The following ADAMTSL1 variants were observed in gnomAD, a reference collection of about 807,000 sequenced individuals.
ADAMTSL1 encodes ADAMTS like 1, also known as ADAMTS-like protein 1.
Under a neutral mutation model 201.8 loss-of-function variants are expected in ADAMTSL1, and 126 were observed. That is an observed-to-expected ratio of 0.62 (90% confidence interval 0.54 to 0.72). The LOEUF (loss-of-function observed/expected upper bound fraction) is 0.72, where lower values mean the gene tolerates loss of function less well. Ranked by LOEUF, ADAMTSL1 falls within the 30% of genes least tolerant of loss-of-function variation. The probability of loss-of-function intolerance (pLI) is 0.00; values close to 1 mark genes in which losing one functional copy is unlikely to be tolerated. For synonymous variants in ADAMTSL1, 1,121 were observed against 903.4 expected, an observed-to-expected ratio of 1.24 and a Z score of -4.32; for missense variants, 2,679 against 2,277.8, an observed-to-expected ratio of 1.18 and a Z score of -3.59.
intron 2 of ADAMTSL1, among the ~76,000 whole-genome samples, chr9:18,278,208 T>G (rs1480454409): frequency 2.0e-5 from 3 of 152,234 alleles, no homozygotes; most frequent in African/African-American, 7.2e-5. Flanking sequence ...ATTATGGTAT[T>G]AAAGTATTCT....
At chr9:18,591,852 G>A (rs1228444345) in intron 4 of ADAMTSL1, among the ~76,000 whole-genome samples, 1 of 152,202 alleles carries the variant, frequency 6.6e-6, no homozygotes, top group Non-Finnish European at 1.5e-5. Flanking sequence ...CCTGCTGGTT[G>A]TGGAGGCATT....
At chr9:18,683,129 A>G (rs1223946679) in intron 12 of ADAMTSL1, among the ~76,000 whole-genome samples, 1 of 152,176 alleles carries the variant, frequency 6.6e-6, no homozygotes, top group Admixed American at 6.5e-5. Flanking sequence ...GCAATAAAGT[A>G]TTACAAGCTT....
intron 1 of ADAMTSL1, among the ~76,000 whole-genome samples, chr9:17,931,350 C>T (rs1826777414): frequency 6.8e-6 from 1 of 147,190 alleles, no homozygotes; most frequent in South Asian, 2.2e-4. Context: ...GTGAGGTGGG[C>T]TGCTGAATTC....
intron 1 of ADAMTSL1, among the ~76,000 whole-genome samples, chr9:17,980,598 A>T (rs191305099): frequency 6.6e-6 from 1 of 151,824 alleles, no homozygotes; most frequent in Non-Finnish European, 1.5e-5. Flanking sequence ...TGATGGTGTG[A>T]TGGGGTTGGG....
intron 1 of ADAMTSL1, among the ~76,000 whole-genome samples, chr9:18,017,805 T>A (rs1820321763): frequency 6.6e-6 from 1 of 152,052 alleles, no homozygotes; most frequent in Admixed American, 6.6e-5. Flanking sequence ...TAAAATTCTA[T>A]CAGCAAAGAA....
chr9:18,027,588 T>G (rs889365070), intron 1 of ADAMTSL1, among the ~76,000 whole-genome samples: 3 of 152,102 alleles, frequency 2.0e-5, no homozygotes, highest in African/African-American at 7.2e-5. Context: ...ATGCTTGGTA[T>G]GACTTAAATT....
chr9:18,252,585 G>A (rs1831506667), intron 2 of ADAMTSL1, among the ~76,000 whole-genome samples: 1 of 151,986 alleles, frequency 6.6e-6, no homozygotes, highest in South Asian at 2.1e-4. Context: ...AATAATGACA[G>A]GAAGAAAAAA....
intron 1 of ADAMTSL1, among the ~76,000 whole-genome samples, chr9:18,121,918 C>T (rs1330680266): frequency 6.6e-6 from 1 of 152,076 alleles, no homozygotes; most frequent in Non-Finnish European, 1.5e-5. Context: ...ACCAATTTCC[C>T]ATGTCCTCCT....
intron 2 of ADAMTSL1, among the ~76,000 whole-genome samples, chr9:18,176,007 CAAAAAAAAAAAAAA>C (rs57982328): frequency 3.2e-5 from 2 of 62,578 alleles, no homozygotes; most frequent in Non-Finnish European, 5.7e-5. Context: ...AGAGGGAAAG[CAAAAAAAAAAAAAA>C]AAAAAAAAAA....
At chr9:18,018,424 T>A (rs1820346413) in intron 1 of ADAMTSL1, among the ~76,000 whole-genome samples, 1 of 152,106 alleles carries the variant, frequency 6.6e-6, no homozygotes, top group South Asian at 2.1e-4. Context: ...ATGGACTCCT[T>A]TTGAATGAAT....
chr9:18,515,350 T>G (rs1268269686), intron 2 of ADAMTSL1, among the ~76,000 whole-genome samples: 1 of 152,214 alleles, frequency 6.6e-6, no homozygotes. Context: ...TTGTTTGTTT[T>G]TTGAGACAAG....
chr9:18,905,725 C>A (rs566285877), intron 26 of ADAMTSL1, 57 bp from the exon 27 acceptor site: 3 of 1,392,822 alleles, frequency 2.2e-6, no homozygotes, highest in East Asian at 2.4e-5. Flanking sequence ...CCAAGCACGG[C>A]GGCCTCCACC....
chr9:17,922,080 G>C (rs930672900), intron 1 of ADAMTSL1, among the ~76,000 whole-genome samples: 1 of 94,968 alleles, frequency 1.1e-5, no homozygotes. Flanking sequence ...TGTGATTGCA[G>C]TTCAGGCTTT....
At chr9:18,309,770 A>G (rs1024003251) in intron 2 of ADAMTSL1, among the ~76,000 whole-genome samples, 1 of 152,124 alleles carries the variant, frequency 6.6e-6, no homozygotes, top group Non-Finnish European at 1.5e-5. Context: ...AAAGTAATTT[A>G]CAGATTCAAT....
intron 8 of ADAMTSL1, 32 bp from the exon 9 acceptor site, chr9:18,661,903 T>C (rs1829116596): frequency 6.2e-7 from 1 of 1,600,494 alleles, no homozygotes; most frequent in Non-Finnish European, 8.5e-7. Flanking sequence ...GGCATGTACA[T>C]TTAAACTTGC....
intron 2 of ADAMTSL1, among the ~76,000 whole-genome samples, chr9:18,420,098 C>T (rs1162910074): frequency 2.0e-5 from 3 of 152,190 alleles, no homozygotes; most frequent in African/African-American, 7.2e-5. Context: ...ACAGTTTTCA[C>T]CATTACAGTT....
intron 2 of ADAMTSL1, among the ~76,000 whole-genome samples, chr9:18,210,007 A>G (rs1182449689): frequency 6.6e-6 from 1 of 152,140 alleles, no homozygotes; most frequent in African/African-American, 2.4e-5. Context: ...GTCTCTGTTT[A>G]AAACAAAGTC....
intron 1 of ADAMTSL1, among the ~76,000 whole-genome samples, chr9:17,924,442 G>C (rs932185609): frequency 6.6e-6 from 1 of 152,150 alleles, no homozygotes; most frequent in Non-Finnish European, 1.5e-5. Flanking sequence ...TCTGATGGTA[G>C]TTTGTATTTC....
intron 2 of ADAMTSL1, among the ~76,000 whole-genome samples, chr9:18,278,087 G>A (rs866263099): frequency 6.6e-6 from 1 of 151,922 alleles, no homozygotes; most frequent in Admixed American, 6.6e-5. Context: ...TATTAGTGCT[G>A]CAATTTTCAT....
Sources: allele counts gnomAD v4.1 joint callset (sites outside exome capture counted in the v4.1 genomes callset), GRCh38; gene constraint gnomAD v4.1.1; transcripts MANE v1.5; gene names NCBI Gene and HGNC (gene_info 2026-07-23, HGNC 2026-07-21).